ZNF723: variants seen among roughly 807,000 people sequenced by gnomAD.
ZNF723 encodes zinc finger protein 723.
In ZNF723, 5 loss-of-function variants were observed where a neutral mutation model predicts 9.4. The ratio of observed to expected loss-of-function variants is 0.53; its 90% CI spans 0.28 to 1.12. The LOEUF is 1.12. ZNF723 is among the 50% of genes most tolerant of loss of function. ZNF723 has a pLI of 0.10. For synonymous variants in ZNF723, 158 were observed against 168.8 expected, an observed-to-expected ratio of 0.94 and a Z score of 0.49; for missense variants, 450 against 501.5, an observed-to-expected ratio of 0.90 and a Z score of 0.98.
At chr19:22,827,442 TTTTGTTTG>T (rs34989962), upstream of ZNF723, among the ~76,000 whole-genome samples, 226 of 130,396 alleles carry the variant, frequency 1.7e-3, no homozygotes, top group African/African-American at 5.6e-3. Flanking sequence ...TTTTTTGTTT[TTTTGTTTG>T]TTTGTTTGTT....
At chr19:22,831,937 C>A (rs1341431993), upstream of ZNF723, among the ~76,000 whole-genome samples, 4 of 152,002 alleles carry the variant, frequency 2.6e-5, no homozygotes, top group African/African-American at 4.8e-5. Context: ...TAAATAAAAT[C>A]TTAGGCTGCC....
intron 2 of ZNF723, among the ~76,000 whole-genome samples, chr19:22,848,768 TATTTATGA>T (rs975309532): frequency 4.7e-5 from 7 of 147,812 alleles, no homozygotes; most frequent in African/African-American, 1.8e-4. Flanking sequence ...TTTATTTATT[TATTTATGA>T]GATGGAATGT....
Position 22,858,284 on chromosome 19 carries a change from T to C in ZNF723, c.1393T>C (p.Tyr465His). Residue 465 changes from tyrosine (Y) to histidine (H), a missense_variant, in exon 4 of 4, where the codon TAT becomes CAT. Physicochemically the swap from Tyr to His is moderately conservative, Grantham distance 83. This residue lies in a region of ZNF723 where 237 missense variants were observed against 332.2 expected (regional missense o/e 0.71). Coordinates refer to ENST00000600766, the MANE Select transcript of ZNF723 (RefSeq NM_001349726.2). ...AGAATGTGGCAAAGCTTTTAACCAA[T>C]ATTCAACCCTTAATAAACATAAGAT... ...CEECGKAFNQ[Y>H]STLNKHKIIH... 8.0e-7 allele frequency: 1 copy of C among 1,245,944 alleles called. No homozygotes were observed. Among genetic ancestry groups the C allele is most frequent in the Non-Finnish European group, 1.2e-6 (1 of 848,892 alleles). The allele number at this position is 1,245,944 out of a possible 1,614,324, so 77.2% of individuals were successfully genotyped here.
upstream of ZNF723, among the ~76,000 whole-genome samples, chr19:22,830,632 T>G (rs1967083997): frequency 6.6e-6 from 1 of 152,234 alleles, no homozygotes; most frequent in South Asian, 2.1e-4. Context: ...TTCAGTTTAT[T>G]CTGAGTTTCA....
chr19:22,856,153 G>T (rs1165239713), intron 3 of ZNF723, among the ~76,000 whole-genome samples: 2 of 152,054 alleles, frequency 1.3e-5, no homozygotes, highest in African/African-American at 4.8e-5. Flanking sequence ...TAGAGATGAG[G>T]TTTCACCATG....
chr19:22,850,397 G>A (rs1411260419), intron 3 of ZNF723, among the ~76,000 whole-genome samples: 1 of 149,906 alleles, frequency 6.7e-6, no homozygotes, highest in Non-Finnish European at 1.5e-5. Context: ...AGTAGAGCCG[G>A]GGTTTCACCA....
intron 1 of ZNF723, among the ~76,000 whole-genome samples, chr19:22,832,946 T>C (rs574153366): frequency 9.8e-5 from 15 of 152,358 alleles, no homozygotes; most frequent in East Asian, 5.8e-4. Context: ...CGTAGTTTCC[T>C]AATTTCCACC....
the ZNF723 span, among the ~76,000 whole-genome samples, chr19:22,818,017 G>A: frequency 6.6e-6 from 1 of 152,142 alleles, no homozygotes; most frequent in Non-Finnish European, 1.5e-5. Context: ...AACTGTGACG[G>A]TCATATGTAA....
intron 3 of ZNF723, among the ~76,000 whole-genome samples, chr19:22,850,059 T>C (rs1967370976): frequency 1.3e-5 from 2 of 152,172 alleles, no homozygotes; most frequent in Non-Finnish European, 2.9e-5. Context: ...ATTAGTATAG[T>C]CTTGAAATAC....
intron 1 of ZNF723, among the ~76,000 whole-genome samples, chr19:22,845,515 T>C (rs1967296314): frequency 6.6e-6 from 1 of 152,166 alleles, no homozygotes; most frequent in African/African-American, 2.4e-5. Flanking sequence ...ACCTGTTTAC[T>C]ACAGGGTGAT....
At chr19:22,831,908 CA>C (rs34288194), upstream of ZNF723, among the ~76,000 whole-genome samples, 86 of 143,144 alleles carry the variant, frequency 6.0e-4, no homozygotes, top group African/African-American at 1.5e-3. Flanking sequence ...GACTCTGTCT[CA>C]AAAAAAAAAA....
At chr19:22,854,454 C>A (rs1376297931) in intron 3 of ZNF723, among the ~76,000 whole-genome samples, 1 of 151,826 alleles carries the variant, frequency 6.6e-6, no homozygotes, top group Non-Finnish European at 1.5e-5. Flanking sequence ...TAAATAAATC[C>A]TTTTATTGAA....
intron 3 of ZNF723, among the ~76,000 whole-genome samples, chr19:22,853,794 A>C (rs1967430602): frequency 6.6e-6 from 1 of 152,026 alleles, no homozygotes; most frequent in Non-Finnish European, 1.5e-5. Flanking sequence ...TTGTATTTTT[A>C]GTAGAGACAG....
chr19:22,838,673 A>G (rs1376154935), intron 1 of ZNF723, among the ~76,000 whole-genome samples: 1 of 152,042 alleles, frequency 6.6e-6, no homozygotes, highest in Non-Finnish European at 1.5e-5. Context: ...TTTTATGGCC[A>G]CACAGTATTC....
chr19:22,833,926 CTTT>C (rs34792208), intron 1 of ZNF723, among the ~76,000 whole-genome samples: 1 of 89,316 alleles, frequency 1.1e-5, no homozygotes, highest in South Asian at 4.0e-4. Context: ...TTTTAGCGTA[CTTT>C]TTTTTTTTTT....
chr19:22,822,389 T>C, the ZNF723 span, among the ~76,000 whole-genome samples: 1 of 152,336 alleles, frequency 6.6e-6, no homozygotes, highest in African/African-American at 2.4e-5. Flanking sequence ...ATTAGTTGCA[T>C]TACCTGGACC....
rs1967492271 is a variant in ZNF723 at position 22,857,277 on chromosome 19, G to T, written c.386G>T (p.Gly129Val). Residue 129 changes from glycine (G) to valine (V), a missense_variant, in exon 4 of 4, where the codon GGT (glycine) becomes GTT (valine). This residue lies in a region of ZNF723 where 143 missense variants were observed against 101.3 expected (regional missense o/e 1.41). Transcript: ENST00000600766. The stretch of plus-strand genomic sequence containing the variant: ...GATGAGTGTAAGATGCACAAAGGAG[G>T]TTATGATGAACTTAAGCAATGTTTG... ...SVDECKMHKGGYDELKQCLTT... is the reference protein window; with the variant it reads ...SVDECKMHKGVYDELKQCLTT... 6 of 817,700 alleles carry T rather than the reference G, an allele frequency of 7.3e-6. No individual in the cohort carries two copies. The highest frequency in any genetic ancestry group is 1.3e-5 in the Non-Finnish European group (6 of 457,836). The allele number at this position is 817,700 out of a possible 1,614,324, so 50.7% of individuals were successfully genotyped here. A position where few individuals can be genotyped will look rare whatever the true frequency, so the allele number is the denominator to read the frequency against.
intron 1 of ZNF723, among the ~76,000 whole-genome samples, chr19:22,835,324 G>GGT (rs1385296748): frequency 0.014 from 2,131 of 151,990 alleles, 39 homozygotes; most frequent in African/African-American, 0.049. Context: ...TTACAGGCGT[G>GGT]AGCCACCACG....
upstream of ZNF723, among the ~76,000 whole-genome samples, chr19:22,828,651 C>T (rs1357713585): frequency 1.3e-5 from 2 of 151,778 alleles, no homozygotes; most frequent in African/African-American, 2.4e-5. Context: ...GACTCCCTCT[C>T]AAAAAAACAA....
Sources: gnomAD v4.1 joint callset for allele counts (sites outside exome capture counted in the v4.1 genomes callset) on GRCh38, gnomAD v4.1.1 for gene constraint, gnomAD v4.1.1 regional missense constraint, MANE v1.5 for transcripts, NCBI Gene and HGNC (gene_info 2026-07-23, HGNC 2026-07-21) for gene names.